ALG6: variants seen among roughly 807,000 people sequenced by gnomAD.
The protein encoded by ALG6 is dolichyl pyrophosphate Man9GlcNAc2 alpha-1,3-glucosyltransferase.
Under a neutral mutation model 66.6 loss-of-function variants are expected in ALG6, and 46 were observed. The ratio of observed to expected loss-of-function variants is 0.69; its 90% CI spans 0.55 to 0.88. ALG6 has a LOEUF of 0.88. Among genes scored for constraint, ALG6 ranks in the 40% least tolerant of loss-of-function variants. The probability of loss-of-function intolerance (pLI) is 0.00; values close to 1 mark genes in which losing one functional copy is unlikely to be tolerated. For synonymous variants in ALG6, 185 were observed against 203.7 expected, an observed-to-expected ratio of 0.91 and a Z score of 0.78; for missense variants, 505 against 586.8, an observed-to-expected ratio of 0.86 and a Z score of 1.44.
intron 3 of ALG6, among the ~76,000 whole-genome samples, chr1:63,397,995 G>T (rs886064840): frequency 3.3e-5 from 5 of 152,114 alleles, no homozygotes; most frequent in Non-Finnish European, 7.4e-5. Flanking sequence ...AGAAATTCAT[G>T]CCTGTGTCAT....
intron 7 of ALG6, among the ~76,000 whole-genome samples, chr1:63,409,449 T>C (rs1644506090): frequency 6.6e-6 from 1 of 152,188 alleles, no homozygotes; most frequent in Admixed American, 6.5e-5. Flanking sequence ...CTTGAGCCTA[T>C]TAGTCAGATG....
chr1:63,419,285 A>G, intron 11 of ALG6, 85 bp from the exon 12 acceptor site: 1 of 1,142,788 alleles, frequency 8.8e-7, no homozygotes, highest in Non-Finnish European at 1.3e-6. Context: ...TTCATTTGAA[A>G]TGATTTTTAT....
chr1:63,425,296 T>C (rs1644609286), intron 12 of ALG6, among the ~76,000 whole-genome samples: 1 of 152,034 alleles, frequency 6.6e-6, no homozygotes, highest in African/African-American at 2.4e-5. Flanking sequence ...AGCACTGTCA[T>C]TGGGAAAGGG....
At chr1:63,391,040 G>A (rs1005014832) in intron 2 of ALG6, among the ~76,000 whole-genome samples, 4 of 152,190 alleles carry the variant, frequency 2.6e-5, no homozygotes, top group Non-Finnish European at 4.4e-5. Flanking sequence ...CTGCCAGGGG[G>A]ACAGTTGCTG....
In ALG6 at chr1:63,387,532, C is replaced by CTT. The variant is rs760731397; in HGVS notation, c.83-8955_83-8954dup. On this transcript the variant is annotated intron_variant, in intron 2 of 14. Coordinates refer to ENST00000263440, the MANE Select transcript of ALG6 (RefSeq NM_013339.4). ...ATATAATGACCTTCTTTGTCTTTCT[C>CTT]TTTTTTTTTTTTTTTTTTTTTTTTT... 4.3e-3 allele frequency among the ~76,000 whole-genome samples: 253 copies of CTT among 59,470 alleles called. 64 individuals are homozygous for CTT. The highest frequency in any genetic ancestry group is 0.015 in the African/African-American group (209 of 14,190). The allele number at this position is 59,470 out of a possible 152,430, so 39.0% of individuals were successfully genotyped here.
chr1:63,411,848 G>C, intron 8 of ALG6, 78 bp from the exon 9 acceptor site: 2 of 1,576,418 alleles, frequency 1.3e-6, no homozygotes, highest in Non-Finnish European at 1.7e-6. Context: ...CATGTATTAT[G>C]TTCAGTGAGA....
rs1193951173 is a variant in ALG6, at chr1:63,411,980, C to T, written c.735C>T (p.Cys245=). 7 of 1,613,982 alleles carry T rather than the reference C, an allele frequency of 4.3e-6. No homozygotes were observed. Residue 245 remains cysteine (C), a synonymous_variant, in exon 9 of 15, where the codon TGC becomes TGT. Coordinates refer to ENST00000263440, the MANE Select transcript of ALG6 (RefSeq NM_013339.4). ...TTGTTGTGGCTTCCTTCGTTCTCTG[C>T]TGGCTGCCATTCTTTACAGAAAGGG... is the stretch of plus-strand genomic sequence containing the variant. ...ACIVVASFVL[C]WLPFFTEREQ...
intron 4 of ALG6, 33 bp downstream of exon 4, chr1:63,402,376 T>C: frequency 6.9e-7 from 1 of 1,446,304 alleles, no homozygotes; most frequent in Middle Eastern, 1.8e-4. Flanking sequence ...AACTCTAAAT[T>C]TTTATGCCCT....
chr1:63,386,396 T>C (rs1005519320), intron 2 of ALG6, among the ~76,000 whole-genome samples: 1 of 152,156 alleles, frequency 6.6e-6, no homozygotes, highest in African/African-American at 2.4e-5. Context: ...ATATTAGGAT[T>C]TTTCTTTAAA....
At chr1:63,385,205 T>TTTTTTTTTTTTTTTTTC in intron 2 of ALG6, among the ~76,000 whole-genome samples, 1 of 94,196 alleles carries the variant, frequency 1.1e-5, no homozygotes, top group Non-Finnish European at 2.1e-5. Flanking sequence ...TTTTTTTTTT[T>TTTTTTTTTTTTTTTTTC]TTTTTTTTTT....
At chr1:63,371,923 G>A (rs112624091) in intron 2 of ALG6, among the ~76,000 whole-genome samples, 1 of 152,198 alleles carries the variant, frequency 6.6e-6, no homozygotes, top group African/African-American at 2.4e-5. Context: ...CATTTTAATA[G>A]TTAAATGGTC....
At chr1:63,404,124 C>T (rs112521575) in intron 4 of ALG6, among the ~76,000 whole-genome samples, 180 of 152,264 alleles carry the variant, frequency 1.2e-3, no homozygotes, top group African/African-American at 4.3e-3. Flanking sequence ...CTCTGGTCAA[C>T]ACTAGCATAT....
chr1:63,413,305 T>C (rs1644525602), intron 9 of ALG6, among the ~76,000 whole-genome samples: 1 of 152,236 alleles, frequency 6.6e-6, no homozygotes, highest in Admixed American at 6.5e-5. Context: ...ATTATTTGCC[T>C]TACCTTCCAT....
At chr1:63,380,771 T>A (rs1648275487) in intron 2 of ALG6, among the ~76,000 whole-genome samples, 1 of 152,242 alleles carries the variant, frequency 6.6e-6, no homozygotes, top group Non-Finnish European at 1.5e-5. Context: ...TTACTTAACC[T>A]GACATTTCTT....
chr1:63,406,551 C>T, intron 6 of ALG6, 152 bp downstream of exon 6: 4 of 719,464 alleles, frequency 5.6e-6, no homozygotes, highest in Non-Finnish European at 9.5e-6. Flanking sequence ...AAAGCATCAA[C>T]TTATCTTACA....
intron 11 of ALG6, among the ~76,000 whole-genome samples, chr1:63,417,091 T>C (rs1340797162): frequency 6.6e-6 from 1 of 152,216 alleles, no homozygotes; most frequent in Non-Finnish European, 1.5e-5. Context: ...ATTTGTGTTG[T>C]TTGATTCTGT....
intron 2 of ALG6, among the ~76,000 whole-genome samples, chr1:63,379,462 T>C (rs560205193): frequency 2.0e-5 from 3 of 152,184 alleles, no homozygotes; most frequent in South Asian, 2.1e-4. Flanking sequence ...CCTAAAGGCA[T>C]TGTATTTTAA....
In ALG6 at chr1:63,437,309, T is replaced by G; in HGVS notation, c.*289T>G. 3.0e-6 allele frequency: 1 copy of G among 337,458 alleles called. No homozygotes were observed. The highest frequency in any genetic ancestry group is 5.6e-6 in the Non-Finnish European group (1 of 179,694). 20.9% of individuals were successfully genotyped at this position (337,458 alleles called of 1,614,324 possible). On this transcript the variant is annotated 3_prime_UTR_variant, in exon 15 of 15. Transcript: ENST00000263440. ...GAAACATGTCCTTAATCCCATTGTT[T>G]ACTCAGGAAATGCACTTTTTAAATG... is the stretch of plus-strand genomic sequence containing the variant.
intron 1 of ALG6, among the ~76,000 whole-genome samples, chr1:63,370,277 G>A (rs1374624633): frequency 6.6e-6 from 1 of 152,112 alleles, no homozygotes; most frequent in East Asian, 1.9e-4. Context: ...AAGATGGAAA[G>A]TTGGTGTGGT....
Sources: allele counts gnomAD v4.1 joint callset (sites outside exome capture counted in the v4.1 genomes callset), GRCh38; gene constraint gnomAD v4.1.1; transcripts MANE v1.5; gene names NCBI Gene and HGNC (gene_info 2026-07-23, HGNC 2026-07-21).